The following TRANK1 variants were observed in gnomAD, a reference collection of about 807,000 sequenced individuals.
TRANK1 encodes tetratricopeptide repeat and ankyrin repeat containing 1, also known as TPR and ankyrin repeat-containing protein 1.
TRANK1 carries 198 observed loss-of-function variants against 266.0 expected under a neutral mutation model. That is an observed-to-expected ratio of 0.74 (90% confidence interval 0.66 to 0.84). The LOEUF is 0.84. Ranked by LOEUF, TRANK1 falls within the 40% of genes least tolerant of loss-of-function variation. The pLI, the probability that TRANK1 is intolerant of heterozygous loss-of-function variation, is 0.00. For synonymous variants in TRANK1, 1,396 were observed against 1,384.1 expected (o/e 1.01, Z -0.19); for missense variants, 3,326 against 3,634.6 (o/e 0.92, Z 2.18).
chr3:36,902,713 G>T (rs1289668968), intron 3 of TRANK1, among the ~76,000 whole-genome samples: 1 of 152,212 alleles, frequency 6.6e-6, no homozygotes, highest in Non-Finnish European at 1.5e-5. Context: ...CACCCAGCTT[G>T]CATTTGAAGT....
chr3:36,837,195 C>T (rs2078781919), intron 20 of TRANK1, among the ~76,000 whole-genome samples: 1 of 152,220 alleles, frequency 6.6e-6, no homozygotes, highest in South Asian at 2.1e-4. Context: ...GCAGGTGCCA[C>T]AAGAGTGAAA....
At chr3:36,942,155 G>GTATAT (rs2080505122) in intron 1 of TRANK1, among the ~76,000 whole-genome samples, 2 of 152,212 alleles carry the variant, frequency 1.3e-5, no homozygotes, top group East Asian at 3.9e-4. Flanking sequence ...TATAGAAATG[G>GTATAT]GTCTTTGGTA....
In TRANK1 at chr3:36,829,168, T is replaced by C. The variant is rs375768171; in HGVS notation, c.8809+396A>G. Among the ~76,000 whole-genome samples, 9 of 152,214 alleles carry C rather than the reference T, an allele frequency of 5.9e-5. No homozygotes were observed. In the East Asian group the frequency reaches 1.5e-3, roughly 26 times the overall value. ...ATCCCCAGGCGCAGAACAACACTAA[T>C]ATGTACTAGAACCTCAATAACTATC... On this transcript the variant is annotated intron_variant, in intron 23 of 23. Coordinates refer to ENST00000645898, the MANE Select transcript of TRANK1 (RefSeq NM_001329998.2).
chr3:36,889,826 C>G lies in TRANK1; in HGVS notation c.907+3G>C. The G allele has an allele frequency of 6.5e-7, 1 of 1,533,886 alleles. No individual in the cohort carries two copies. The highest frequency in any genetic ancestry group is 8.7e-7 in the Non-Finnish European group (1 of 1,145,568). On this transcript the variant is annotated splice_donor_region_variant and intron_variant, in intron 8 of 23. Coordinates refer to ENST00000645898, the MANE Select transcript of TRANK1 (RefSeq NM_001329998.2). ...GCACCCTCTGGGTAATGCCACTACT[C>G]ACGCTTAACGAGGTATCCTGGGGAG...
At chr3:36,934,749 T>C (rs1206847517) in intron 1 of TRANK1, among the ~76,000 whole-genome samples, 1 of 152,188 alleles carries the variant, frequency 6.6e-6, no homozygotes, top group Non-Finnish European at 1.5e-5. Flanking sequence ...AATCAACTTG[T>C]GCATTTAAGC....
intron 15 of TRANK1, chr3:36,851,093 A>G: frequency 1.0e-6 from 1 of 985,548 alleles, no homozygotes; most frequent in Non-Finnish European, 1.2e-6. Context: ...AGAAAAACCC[A>G]CAAGGACTCA....
Position 36,855,259 on chromosome 3 carries a change from G to C in TRANK1, c.4463C>G (p.Ala1488Gly). ...FSDLRSLFHY[A>G]SRNTIDKQCA... ...CTGCTTGTCTATGGTGTTTCTGCTG[G>C]CATAATGGAACAGAGAGCGCAGATC... Residue 1488 changes from alanine to glycine, a missense_variant, in exon 13 of 24, where the codon GCC (alanine) becomes GGC (glycine). Coordinates refer to ENST00000645898, the MANE Select transcript of TRANK1 (RefSeq NM_001329998.2). 1 of 1,614,050 alleles carries C rather than the reference G, an allele frequency of 6.2e-7. No homozygotes were observed. The highest frequency in any genetic ancestry group is 8.5e-7 in the Non-Finnish European group (1 of 1,179,898).
chr3:36,836,229 G>A (rs544732761), intron 20 of TRANK1, among the ~76,000 whole-genome samples: 1 of 152,350 alleles, frequency 6.6e-6, no homozygotes, highest in East Asian at 1.9e-4. Context: ...AGGCCAGCAA[G>A]CCTGCTCCTG....
rs1575275271 is a variant in TRANK1 at position 36,893,003 on chromosome 3, A to G, written c.553-19T>C. On this transcript the variant is annotated intron_variant, in intron 5 of 23. Coordinates refer to ENST00000645898, the MANE Select transcript of TRANK1 (RefSeq NM_001329998.2). Reference sequence around the variant, plus strand: ...GAAATGACTGGTGGGAGAAGACAGAAAAGGCTGGAATAATAATGTTCTCCA... The same window carrying G: ...GAAATGACTGGTGGGAGAAGACAGAGAAGGCTGGAATAATAATGTTCTCCA... 3 of 1,456,572 alleles carry G rather than the reference A, an allele frequency of 2.1e-6. No homozygotes were observed. Among genetic ancestry groups the G allele is most frequent in the Non-Finnish European group, 2.7e-6 (3 of 1,099,662 alleles). 90.2% of individuals were successfully genotyped at this position (1,456,572 alleles called of 1,614,324 possible). A position where few individuals can be genotyped will look rare whatever the true frequency, so the allele number is the denominator to read the frequency against.
intron 20 of TRANK1, among the ~76,000 whole-genome samples, chr3:36,836,649 A>G (rs1281001571): frequency 6.6e-6 from 1 of 152,178 alleles, no homozygotes; most frequent in Non-Finnish European, 1.5e-5. Flanking sequence ...TGGGCCCCAT[A>G]CCCACCAATG....
chr3:36,866,629 T>C (rs905813092), intron 9 of TRANK1, among the ~76,000 whole-genome samples: 26 of 152,212 alleles, frequency 1.7e-4, no homozygotes, highest in African/African-American at 6.0e-4. Context: ...TATTCTCGCA[T>C]CTATCAGTCA....
chr3:36,914,919 T>C (rs1312977844), intron 1 of TRANK1, among the ~76,000 whole-genome samples: 1 of 151,880 alleles, frequency 6.6e-6, no homozygotes, highest in Non-Finnish European at 1.5e-5. Context: ...ATTACAGGCG[T>C]GAGCCACCAC....
chr3:36,943,647 T>G (rs2080528843), intron 1 of TRANK1, among the ~76,000 whole-genome samples: 1 of 151,854 alleles, frequency 6.6e-6, no homozygotes, highest in Non-Finnish European at 1.5e-5. Context: ...TTTTTTTTTT[T>G]TCTATAAAGG....
Position 36,857,166 on chromosome 3 carries a change from G to GAT in TRANK1, c.2555_2556insAT (p.Lys853SerfsTer28). Reference sequence around the variant, plus strand: ...GGATGATTTTCTTCTTGATGACCTTGGTCATTACCTTACTAGACAGCTTCT... The same window carrying GAT: ...GGATGATTTTCTTCTTGATGACCTTGATGTCATTACCTTACTAGACAGCTTCT... On this transcript the variant is annotated frameshift_variant, in exon 13 of 24. Transcript: ENST00000645898. LOFTEE classifies it high-confidence loss of function. This position sits in a 1 kb window ranked among gnomAD's most constrained non-coding sequence, Gnocchi z 4.3. 6.2e-7 allele frequency: 1 copy of GAT among 1,613,908 alleles called. No homozygotes were observed. The highest frequency in any genetic ancestry group is 1.7e-5 in the Admixed American group (1 of 60,026).
intron 21 of TRANK1, 59 bp from the exon 22 acceptor site, chr3:36,833,978 C>G (rs1689213844): frequency 6.6e-7 from 1 of 1,505,246 alleles, no homozygotes; most frequent in Non-Finnish European, 8.8e-7. Flanking sequence ...AGAAAATTTC[C>G]TCCAAAATAC....
rs753516994 is a variant in TRANK1, at chr3:36,855,273, A to G, written c.4449T>C (p.Ser1483=). Residue 1483 remains serine (S), a synonymous_variant, in exon 13 of 24, where the codon TCT becomes TCC. Coordinates refer to ENST00000645898, the MANE Select transcript of TRANK1 (RefSeq NM_001329998.2). ...TGTTTCTGCTGGCATAATGGAACAG[A>G]GAGCGCAGATCGCTGAAGCGGAAGG... ...GVAFRFSDLR[S]LFHYASRNTI... is the part of the protein sequence containing the mutation. 26 of 1,613,964 alleles carry G rather than the reference A, an allele frequency of 1.6e-5. No homozygotes were observed. The highest frequency in any genetic ancestry group is 1.6e-4 in the Middle Eastern group (1 of 6,084).
intron 9 of TRANK1, among the ~76,000 whole-genome samples, chr3:36,866,160 T>C (rs919818203): frequency 1.3e-5 from 2 of 152,106 alleles, no homozygotes; most frequent in East Asian, 1.9e-4. Context: ...TTTTTTTTAT[T>C]AGGTATCAAA....
intron 11 of TRANK1, 23 bp downstream of exon 11, chr3:36,860,883 G>A (rs377453099): frequency 4.5e-5 from 69 of 1,536,294 alleles, no homozygotes; most frequent in East Asian, 2.7e-4. Flanking sequence ...AGTCTCCAAC[G>A]CTTAGCATCC....
At chr3:36,872,728 T>C (rs1242843802) in intron 9 of TRANK1, among the ~76,000 whole-genome samples, 3 of 152,096 alleles carry the variant, frequency 2.0e-5, no homozygotes, top group Admixed American at 1.3e-4. Context: ...TATTATAAAT[T>C]CAAGAAGCTC....
Sources: allele counts gnomAD v4.1 joint callset (sites outside exome capture counted in the v4.1 genomes callset), GRCh38; gene constraint gnomAD v4.1.1; non-coding constraint Gnocchi (gnomAD v3.1); transcripts MANE v1.5; gene names NCBI Gene and HGNC (gene_info 2026-07-23, HGNC 2026-07-21).